Variants in RAB38 observed in about 807,000 individuals in gnomAD.
The protein encoded by RAB38 is RAB38, member RAS oncogene family.
Under a neutral mutation model 18.4 loss-of-function variants are expected in RAB38, and 15 were observed. That is an observed-to-expected ratio of 0.82 (90% CI 0.55 to 1.26). The LOEUF is 1.26. Among genes scored for constraint, RAB38 ranks in the 50% most tolerant of loss-of-function variants. RAB38 has a pLI of 0.00. For missense variants in RAB38, 294 were observed against 267.4 expected, an observed-to-expected ratio of 1.10 and a Z score of -0.69; for synonymous variants, 101 against 104.4, an observed-to-expected ratio of 0.97 and a Z score of 0.20.
chr11:88,091,073 G>C, the RAB38 span, among the ~76,000 whole-genome samples: 2 of 151,964 alleles, frequency 1.3e-5, no homozygotes, highest in Non-Finnish European at 2.9e-5. Flanking sequence ...CAAGAAAAAG[G>C]ACCAGGAGAA....
chr11:88,014,796 G>A, the RAB38 span, among the ~76,000 whole-genome samples: 670 of 152,228 alleles, frequency 4.4e-3, 2 homozygotes, highest in African/African-American at 0.015. Flanking sequence ...AATAAGGCCA[G>A]GTGGCAGAGA....
At chr11:88,110,716 C>T (rs575555241), downstream of RAB38, among the ~76,000 whole-genome samples, 171 of 150,916 alleles carry the variant, frequency 1.1e-3, no homozygotes, top group African/African-American at 4.1e-3. Flanking sequence ...ACTCGGGAGG[C>T]TGAGACAGAA....
At chr11:88,056,223 G>T in the RAB38 span, among the ~76,000 whole-genome samples, 2 of 152,116 alleles carry the variant, frequency 1.3e-5, no homozygotes, top group African/African-American at 2.4e-5. Context: ...CTTTATGCCA[G>T]GCTGGATATT....
At chr11:88,016,018 G>A in the RAB38 span, among the ~76,000 whole-genome samples, 120 of 152,202 alleles carry the variant, frequency 7.9e-4, 1 homozygote, top group Admixed American at 7.2e-4. Flanking sequence ...TTTCGGCAAT[G>A]TGCAATCTCC....
At chr11:88,151,679 A>G (rs919827561) in intron 1 of RAB38, among the ~76,000 whole-genome samples, 1 of 152,216 alleles carries the variant, frequency 6.6e-6, no homozygotes, top group Non-Finnish European at 1.5e-5. Context: ...AGAACACTTT[A>G]CCCTTAATTT....
the RAB38 span, among the ~76,000 whole-genome samples, chr11:88,075,274 T>C: frequency 2.8e-4 from 43 of 152,286 alleles, 1 homozygote; most frequent in Admixed American, 2.2e-3. Flanking sequence ...TGGAACATTC[T>C]ACAAAATACA....
At chr11:88,158,441 C>G in intron 1 of RAB38, among the ~76,000 whole-genome samples, 1 of 151,974 alleles carries the variant, frequency 6.6e-6, no homozygotes, top group South Asian at 2.1e-4. Context: ...CCAGCATCAC[C>G]CTGATACCAA....
the RAB38 span, among the ~76,000 whole-genome samples, chr11:87,853,634 G>C: frequency 7.3e-6 from 1 of 137,022 alleles, no homozygotes; most frequent in Non-Finnish European, 1.6e-5. Flanking sequence ...AACTGGAGCA[G>C]ATGTTTGTGA....
intron 2 of RAB38, among the ~76,000 whole-genome samples, chr11:88,139,206 A>G (rs1045345409): frequency 6.6e-6 from 1 of 152,156 alleles, no homozygotes; most frequent in Non-Finnish European, 1.5e-5. Context: ...AATGATGAGA[A>G]GCTTGTTTTT....
chr11:87,917,323 TG>T, the RAB38 span, among the ~76,000 whole-genome samples: 1 of 152,088 alleles, frequency 6.6e-6, no homozygotes. Context: ...GGCAGATATC[TG>T]GTTCTAGCAC....
At chr11:88,008,441 A>G in the RAB38 span, among the ~76,000 whole-genome samples, 8 of 152,280 alleles carry the variant, frequency 5.3e-5, no homozygotes, top group East Asian at 7.7e-4. Context: ...TAGCAGCAGT[A>G]AGCCATACAC....
the RAB38 span, among the ~76,000 whole-genome samples, chr11:88,075,846 A>C: frequency 6.6e-6 from 1 of 151,466 alleles, no homozygotes; most frequent in Non-Finnish European, 1.5e-5. Flanking sequence ...TCACTGTTGT[A>C]CTCCAGCCTG....
the RAB38 span, among the ~76,000 whole-genome samples, chr11:87,813,626 A>T: frequency 6.6e-6 from 1 of 152,144 alleles, no homozygotes; most frequent in Non-Finnish European, 1.5e-5. Context: ...ATAGTGGGGT[A>T]TCTAACCCCA....
chr11:88,129,107 A>T (rs1054783938), intron 2 of RAB38, among the ~76,000 whole-genome samples: 2 of 152,194 alleles, frequency 1.3e-5, no homozygotes, highest in Non-Finnish European at 2.9e-5. Context: ...AATAGAAAAT[A>T]TTTTTCCGTA....
chr11:87,819,378 T>C, the RAB38 span, among the ~76,000 whole-genome samples: 2 of 152,060 alleles, frequency 1.3e-5, no homozygotes, highest in Admixed American at 6.6e-5. Context: ...TATCTGCAGA[T>C]AGTGTGGAGA....
chr11:88,023,520 A>G, the RAB38 span, among the ~76,000 whole-genome samples: 5 of 152,224 alleles, frequency 3.3e-5, no homozygotes, highest in East Asian at 9.6e-4. Context: ...GATACTAATG[A>G]CATTCATCAC....
intron 2 of RAB38, among the ~76,000 whole-genome samples, chr11:88,132,918 A>T (rs1386305884): frequency 2.0e-5 from 3 of 152,250 alleles, no homozygotes; most frequent in Non-Finnish European, 4.4e-5. Flanking sequence ...ATTTGATAGC[A>T]TATTATTTAG....
chr11:87,910,960 G>C, the RAB38 span, among the ~76,000 whole-genome samples: 2 of 151,924 alleles, frequency 1.3e-5, no homozygotes, highest in African/African-American at 4.8e-5. Flanking sequence ...TACGTGGTAT[G>C]GGTTCAAGTT....
the RAB38 span, among the ~76,000 whole-genome samples, chr11:87,835,260 C>A: frequency 6.6e-6 from 1 of 152,074 alleles, no homozygotes; most frequent in African/African-American, 2.4e-5. Flanking sequence ...GATGAGTACA[C>A]CTCTGCCACC....
Sources: gnomAD v4.1 joint callset for allele counts (sites outside exome capture counted in the v4.1 genomes callset) on GRCh38, gnomAD v4.1.1 for gene constraint, MANE v1.5 for transcripts, NCBI Gene and HGNC (gene_info 2026-07-23, HGNC 2026-07-21) for gene names.